The following PTBP3 variants were observed in gnomAD, a reference collection of about 807,000 sequenced individuals.
PTBP3 encodes polypyrimidine tract-binding protein 3.
A neutral mutation model predicts 58.7 loss-of-function variants in PTBP3; 20 were observed. That is an observed-to-expected ratio of 0.34 (90% CI 0.24 to 0.50). The LOEUF is 0.50. PTBP3 is among the 20% of genes least tolerant of loss of function. PTBP3 has a pLI of 0.98. For missense variants in PTBP3, 509 were observed against 637.2 expected (o/e 0.80, Z 2.17); for synonymous variants, 185 against 219.8 (o/e 0.84, Z 1.40).
chr9:112,222,191 G>A lies in PTBP3; in HGVS notation c.*1660C>T, dbSNP rs906944208. The A allele has an allele frequency of 2.0e-6, 2 of 984,542 alleles. No homozygotes were observed. The highest frequency in any genetic ancestry group is 3.5e-5 in the African/African-American group (2 of 57,210). The allele number at this position is 984,542 out of a possible 1,614,324, so 61.0% of individuals were successfully genotyped here. On this transcript the variant is annotated 3_prime_UTR_variant, in exon 14 of 14. Coordinates refer to ENST00000374257, the MANE Select transcript of PTBP3 (RefSeq NM_001163788.4). Reference sequence around the variant, plus strand: ...GGGTAGACAAAAAAATGACCCTTTTGACAAATTCTGCTTTAAAAAATTCTG... The same window carrying A: ...GGGTAGACAAAAAAATGACCCTTTTAACAAATTCTGCTTTAAAAAATTCTG...
At chr9:112,306,429 C>T (rs1219690030) in intron 1 of PTBP3, among the ~76,000 whole-genome samples, 7 of 141,922 alleles carry the variant, frequency 4.9e-5, no homozygotes, top group Non-Finnish European at 7.5e-5. Flanking sequence ...CAAAGTGCTG[C>T]GATTAGAGGC....
At position 112,299,323 on chromosome 9, in the gene PTBP3, A is replaced by G. The variant is rs555718997; in HGVS notation, c.-51-1407T>C. 3.3e-5 allele frequency among the ~76,000 whole-genome samples: 5 copies of G among 152,330 alleles called. No individual in the cohort carries two copies. In the South Asian group the frequency reaches 1.0e-3, roughly 32 times the overall value. Reference sequence around the variant, plus strand: ...GAGATTTGCAGAAATGTATTTTTTCAAGAATAACAAAAAGCACAAGTATAA... The same window carrying G: ...GAGATTTGCAGAAATGTATTTTTTCGAGAATAACAAAAAGCACAAGTATAA... On this transcript the variant is annotated intron_variant, in intron 1 of 13. Transcript: ENST00000374257.
intron 5 of PTBP3, 118 bp from the exon 6 acceptor site, chr9:112,252,906 G>A (rs1466494711): frequency 4.7e-6 from 3 of 643,488 alleles, no homozygotes; most frequent in South Asian, 2.0e-5. Flanking sequence ...GAAAACTTTG[G>A]TACCAAAATG....
At chr9:112,281,730 T>A (rs1827876580) in intron 2 of PTBP3, among the ~76,000 whole-genome samples, 1 of 152,240 alleles carries the variant, frequency 6.6e-6, no homozygotes, top group South Asian at 2.1e-4. Context: ...TATATGACTA[T>A]CTGAGTTTTC....
the PTBP3 span, among the ~76,000 whole-genome samples, chr9:112,369,873 T>C: frequency 6.6e-6 from 1 of 152,120 alleles, no homozygotes; most frequent in East Asian, 1.9e-4. Flanking sequence ...CCAGTGAAGG[T>C]AACTGAATCA....
intron 1 of PTBP3, among the ~76,000 whole-genome samples, chr9:112,301,391 T>C (rs1023393813): frequency 3.9e-5 from 6 of 151,924 alleles, no homozygotes; most frequent in African/African-American, 1.2e-4. Context: ...CTCTCATACA[T>C]TGCTGGTAGC....
rs932268210 is a variant in PTBP3 at position 112,220,953 on chromosome 9, C to A, written c.*2898G>T. ...TAGAAGATACTGAATAAATGCATGCCAAAACAGAGATACACAGATCTAGTT... is the reference window on the plus strand; with the variant it reads ...TAGAAGATACTGAATAAATGCATGCAAAAACAGAGATACACAGATCTAGTT... On this transcript the variant is annotated 3_prime_UTR_variant, in exon 14 of 14. Coordinates refer to ENST00000374257, the MANE Select transcript of PTBP3 (RefSeq NM_001163788.4). 4 of 964,152 alleles carry A rather than the reference C, an allele frequency of 4.1e-6. No individual in the cohort carries two copies. The African/African-American group carries it at 7.1e-5, about 17-fold the overall frequency. 59.7% of individuals were successfully genotyped at this position (964,152 alleles called of 1,614,324 possible).
the PTBP3 span, among the ~76,000 whole-genome samples, chr9:112,354,676 G>T: frequency 6.6e-6 from 1 of 152,164 alleles, no homozygotes. Flanking sequence ...AATACATGGG[G>T]TATTTCCAAA....
chr9:112,290,705 T>A (rs367850471), intron 2 of PTBP3, among the ~76,000 whole-genome samples: 2 of 72,998 alleles, frequency 2.7e-5, no homozygotes, highest in Admixed American at 1.6e-4. Context: ...TATATATATA[T>A]ATACACACAC....
chr9:112,226,187 CTT>C (rs538878316), intron 12 of PTBP3, among the ~76,000 whole-genome samples: 1 of 146,122 alleles, frequency 6.8e-6, no homozygotes, highest in Non-Finnish European at 1.5e-5. Context: ...TTTTAATCTA[CTT>C]TTTTTTTTTT....
chr9:112,376,006 C>A, the PTBP3 span, among the ~76,000 whole-genome samples: 2 of 152,032 alleles, frequency 1.3e-5, no homozygotes, highest in Non-Finnish European at 2.9e-5. Context: ...CTATCTGCCA[C>A]TCATCCCTCA....
At chr9:112,300,920 A>AC (rs1272594895) in intron 1 of PTBP3, among the ~76,000 whole-genome samples, 1 of 152,106 alleles carries the variant, frequency 6.6e-6, no homozygotes, top group Non-Finnish European at 1.5e-5. Flanking sequence ...ACATAGGGAG[A>AC]CCCCATCTCT....
chr9:112,285,193 T>C (rs1828060134), intron 2 of PTBP3, among the ~76,000 whole-genome samples: 1 of 152,174 alleles, frequency 6.6e-6, no homozygotes, highest in South Asian at 2.1e-4. Flanking sequence ...CTTCTTGTGA[T>C]AGGAAGCAAG....
chr9:112,277,373 C>G (rs908017547), intron 2 of PTBP3, among the ~76,000 whole-genome samples: 3 of 152,162 alleles, frequency 2.0e-5, no homozygotes, highest in African/African-American at 7.2e-5. Flanking sequence ...ATCTCCTCCT[C>G]TCCCTTATCA....
chr9:112,326,397 A>G (rs550978643), intron 1 of PTBP3, among the ~76,000 whole-genome samples: 4 of 152,364 alleles, frequency 2.6e-5, no homozygotes, highest in East Asian at 1.9e-4. Flanking sequence ...GCTACGGACA[A>G]TATGAATGAG....
intron 3 of PTBP3, among the ~76,000 whole-genome samples, chr9:112,273,225 A>G (rs757280092): frequency 1.3e-5 from 2 of 152,262 alleles, no homozygotes; most frequent in South Asian, 2.1e-4. Context: ...CACGATCTTA[A>G]AAGAGCAAAA....
chr9:112,231,118 T>G lies in PTBP3; in HGVS notation c.1054+262A>C, dbSNP rs901011308. On this transcript the variant is annotated intron_variant, in intron 10 of 13. Coordinates refer to ENST00000374257, the MANE Select transcript of PTBP3 (RefSeq NM_001163788.4). Reference sequence around the variant, plus strand: ...TCTGCCTGGCTGATTCTTACTCATGTTGAACAAGTCAGCTTAACTATCATT... The same window carrying G: ...TCTGCCTGGCTGATTCTTACTCATGGTGAACAAGTCAGCTTAACTATCATT... Among the ~76,000 whole-genome samples the G allele has an allele frequency of 2.4e-4, 36 of 150,270 alleles. 2 individuals are homozygous for G. The highest frequency in any genetic ancestry group is 8.8e-5 in the Non-Finnish European group (6 of 68,024).
chr9:112,315,254 C>T (rs970992922), intron 1 of PTBP3, among the ~76,000 whole-genome samples: 7 of 150,092 alleles, frequency 4.7e-5, no homozygotes, highest in Non-Finnish European at 7.4e-5. Flanking sequence ...ATAAAGGGAC[C>T]GAAATGATAC....
chr9:112,269,764 C>T (rs1375851515), intron 3 of PTBP3, among the ~76,000 whole-genome samples: 2 of 152,108 alleles, frequency 1.3e-5, no homozygotes, highest in Non-Finnish European at 2.9e-5. Context: ...TGAAAAGCAT[C>T]CTTGTAAAAT....
Sources: gnomAD v4.1 joint callset for allele counts (sites outside exome capture counted in the v4.1 genomes callset) on GRCh38, gnomAD v4.1.1 for gene constraint, MANE v1.5 for transcripts, NCBI Gene and HGNC (gene_info 2026-07-23, HGNC 2026-07-21) for gene names.